SYT1: variants seen among roughly 807,000 people sequenced by gnomAD.
SYT1 encodes the protein synaptotagmin-1.
SYT1 carries 8 observed loss-of-function variants against 44.8 expected under a neutral mutation model. The ratio of observed to expected loss-of-function variants is 0.18; its 90% CI spans 0.10 to 0.32. The LOEUF is 0.32. Ranked by LOEUF, SYT1 falls within the 10% of genes least tolerant of loss-of-function variation. The pLI is 1.00. For missense variants in SYT1, 286 were observed against 509.3 expected (o/e 0.56, Z 4.22); for synonymous variants, 154 against 188.8 (o/e 0.82, Z 1.51).
chr12:79,124,032 C>T (rs886372052), intron 3 of SYT1, among the ~76,000 whole-genome samples: 5 of 152,152 alleles, frequency 3.3e-5, no homozygotes, highest in Admixed American at 3.3e-4. Flanking sequence ...TGACAAAAAC[C>T]TGCATCTAAC....
chr12:79,225,202 A>G (rs1042053362), intron 4 of SYT1, among the ~76,000 whole-genome samples: 1 of 152,074 alleles, frequency 6.6e-6, no homozygotes, highest in Non-Finnish European at 1.5e-5. Context: ...AATCCGGATG[A>G]GAGATTTATA....
At chr12:79,369,728 C>T (rs867106712) in intron 9 of SYT1, among the ~76,000 whole-genome samples, 3 of 152,128 alleles carry the variant, frequency 2.0e-5, no homozygotes, top group Admixed American at 6.5e-5. Context: ...TTGAGACAGG[C>T]AGATATATCT....
chr12:79,289,419 T>C (rs1879463983), intron 5 of SYT1, among the ~76,000 whole-genome samples: 1 of 152,202 alleles, frequency 6.6e-6, no homozygotes. Context: ...TTGCTTAAGC[T>C]CAGCCTTTGG....
chr12:79,312,725 T>G (rs1200347358), intron 8 of SYT1, among the ~76,000 whole-genome samples: 1 of 152,012 alleles, frequency 6.6e-6, no homozygotes, highest in Non-Finnish European at 1.5e-5. Context: ...CTTCTTATTT[T>G]GGCACCACTT....
intron 1 of SYT1, among the ~76,000 whole-genome samples, chr12:78,905,546 A>G (rs1875929755): frequency 6.6e-6 from 1 of 152,258 alleles, no homozygotes; most frequent in East Asian, 1.9e-4. Flanking sequence ...ATGTTTACTA[A>G]AATTCCTTAA....
intron 3 of SYT1, among the ~76,000 whole-genome samples, chr12:79,213,415 C>T (rs976151164): frequency 3.3e-5 from 5 of 152,162 alleles, no homozygotes; most frequent in African/African-American, 4.8e-5. Context: ...TACTATATGA[C>T]TTTAACTGCC....
chr12:79,171,544 T>A (rs1311734483), intron 3 of SYT1, among the ~76,000 whole-genome samples: 1 of 152,074 alleles, frequency 6.6e-6, no homozygotes, highest in Non-Finnish European at 1.5e-5. Context: ...ATGACTTGTG[T>A]ATTATAAATA....
At chr12:79,251,126 C>T (rs1174095827) in intron 4 of SYT1, among the ~76,000 whole-genome samples, 1 of 152,160 alleles carries the variant, frequency 6.6e-6, no homozygotes, top group Non-Finnish European at 1.5e-5. Context: ...ACTACTAATA[C>T]TGACTTGGGT....
chr12:78,897,073 TAAATTTTATTTTA>T (rs1162462578), intron 1 of SYT1, among the ~76,000 whole-genome samples: 1 of 151,878 alleles, frequency 6.6e-6, no homozygotes, highest in Non-Finnish European at 1.5e-5. Context: ...ATATTCGAGG[TAAATTTTATTTTA>T]AACTTTTCTT....
intron 9 of SYT1, among the ~76,000 whole-genome samples, chr12:79,374,818 C>A (rs1883927260): frequency 6.6e-6 from 1 of 152,200 alleles, no homozygotes; most frequent in African/African-American, 2.4e-5. Flanking sequence ...TTTTGTGATA[C>A]CTGCCTACAA....
At chr12:78,874,286 T>A (rs1259795390) in intron 1 of SYT1, among the ~76,000 whole-genome samples, 1 of 151,538 alleles carries the variant, frequency 6.6e-6, no homozygotes, top group Non-Finnish European at 1.5e-5. Context: ...CAATCATAGG[T>A]AGTCACACAA....
At chr12:79,136,690 C>A (rs1282413289) in intron 3 of SYT1, among the ~76,000 whole-genome samples, 1 of 152,076 alleles carries the variant, frequency 6.6e-6, no homozygotes, top group East Asian at 1.9e-4. Flanking sequence ...AATGTTTCTT[C>A]TTGGTCAATA....
chr12:79,315,693 C>G (rs1341112547), intron 8 of SYT1, among the ~76,000 whole-genome samples: 3 of 152,148 alleles, frequency 2.0e-5, no homozygotes, highest in African/African-American at 7.2e-5. Context: ...GAACACTTGT[C>G]TCCAAAATCA....
intron 1 of SYT1, among the ~76,000 whole-genome samples, chr12:78,872,933 C>T (rs1873894537): frequency 5.9e-5 from 9 of 151,636 alleles, no homozygotes; most frequent in Admixed American, 5.9e-4. Flanking sequence ...AATTTTTAAA[C>T]CGTAACTTTT....
chr12:79,134,985 C>CCACACA (rs201834566), intron 3 of SYT1, among the ~76,000 whole-genome samples: 98 of 147,966 alleles, frequency 6.6e-4, no homozygotes, highest in African/African-American at 1.5e-3. Context: ...AATGTTCTCA[C>CCACACA]CACACACACA....
Position 78,917,496 on chromosome 12 carries a change from G to C in SYT1, c.-217+52387G>C, listed in dbSNP as rs1876732160. Among the ~76,000 whole-genome samples, 4 of 151,944 alleles carry C rather than the reference G, an allele frequency of 2.6e-5. No individual in the cohort carries two copies. The South Asian group carries it at 8.3e-4, about 32-fold the overall frequency. On this transcript the variant is annotated intron_variant, in intron 1 of 10. Transcript: ENST00000261205. ...GGAGTGGAGAGGGATAGCATTAGGA[G>C]GTGTACCTAATGTAAATGACGAGTT...
chr12:78,957,388 A>C (rs983324259), intron 1 of SYT1, among the ~76,000 whole-genome samples: 2 of 152,300 alleles, frequency 1.3e-5, no homozygotes, highest in South Asian at 2.1e-4. Context: ...GTGCTTTCTA[A>C]GTATTTTAAA....
intron 7 of SYT1, among the ~76,000 whole-genome samples, chr12:79,297,355 G>A (rs768342384): frequency 2.0e-5 from 3 of 152,056 alleles, no homozygotes; most frequent in Non-Finnish European, 4.4e-5. Flanking sequence ...AACATACTAC[G>A]AAACGTAAAA....
At chr12:78,873,055 A>G (rs1290441938) in intron 1 of SYT1, among the ~76,000 whole-genome samples, 1 of 151,670 alleles carries the variant, frequency 6.6e-6, no homozygotes, top group Non-Finnish European at 1.5e-5. Flanking sequence ...TACTGTGTTC[A>G]TGACAGGCGT....
Sources: allele counts gnomAD v4.1 joint callset (sites outside exome capture counted in the v4.1 genomes callset), GRCh38; gene constraint gnomAD v4.1.1; transcripts MANE v1.5; gene names NCBI Gene and HGNC (gene_info 2026-07-23, HGNC 2026-07-21).